STUM: variants seen among roughly 807,000 people sequenced by gnomAD.
STUM encodes stum, mechanosensory transduction mediator homolog.
Under a neutral mutation model 15.3 loss-of-function variants are expected in STUM, and 8 were observed. The observed-to-expected ratio is 0.52, with a 90% CI of 0.31 to 0.94. The LOEUF is 0.94. STUM is among the 40% of genes least tolerant of loss of function. The pLI is 0.05. For synonymous variants in STUM, 78 were observed against 88.7 expected (o/e 0.88, Z 0.68); for missense variants, 142 against 204.9 (o/e 0.69, Z 1.87).
chr1:226,567,371 A>G lies in STUM; in HGVS notation c.202+18265A>G, dbSNP rs1667641994. Among the ~76,000 whole-genome samples, 1 of 152,256 alleles carries G rather than the reference A, an allele frequency of 6.6e-6. No homozygotes were observed. Among genetic ancestry groups the G allele is most frequent in the Non-Finnish European group, 1.5e-5 (1 of 68,048 alleles). ...AAATGCTGAACATTTGCAGTGGAAA[A>G]TAACGGAAAATAGAAACACAACAAT... is the stretch of plus-strand genomic sequence containing the variant. On this transcript the variant is annotated intron_variant, in intron 1 of 3. Transcript: ENST00000366788. This position sits in a 1 kb window ranked among gnomAD's most constrained non-coding sequence, Gnocchi z 4.5.
intron 1 of STUM, among the ~76,000 whole-genome samples, chr1:226,595,770 G>C (rs1294362035): frequency 6.6e-6 from 1 of 152,202 alleles, no homozygotes; most frequent in Non-Finnish European, 1.5e-5. Flanking sequence ...GATGGAGGAA[G>C]GGGCCACAAG....
chr1:226,584,733 C>T (rs1364058175), intron 1 of STUM, among the ~76,000 whole-genome samples: 1 of 152,212 alleles, frequency 6.6e-6, no homozygotes, highest in Non-Finnish European at 1.5e-5. Context: ...CCCATGGCAT[C>T]ATTTAATTTT....
rs1667328697 is a variant in STUM at position 226,549,207 on chromosome 1, G to T, written c.202+101G>T. 3.8e-6 allele frequency: 4 copies of T among 1,044,668 alleles called. No homozygotes were observed. Among genetic ancestry groups the T allele is most frequent in the Non-Finnish European group, 5.5e-6 (4 of 733,558 alleles). 64.7% of individuals were successfully genotyped at this position (1,044,668 alleles called of 1,614,324 possible). ...CGGAGACCTCCTGGCGGGGCCGCGC[G>T]CTCCAAGTGCTGCGACCACGCGCCA... is the stretch of plus-strand genomic sequence containing the variant. On this transcript the variant is annotated intron_variant, in intron 1 of 3. Coordinates refer to ENST00000366788, the MANE Select transcript of STUM (RefSeq NM_001003665.4). The surrounding 1 kb of genome is among the most constrained non-coding windows in gnomAD (Gnocchi z 6.8).
intron 2 of STUM, chr1:226,597,513 C>T: frequency 2.1e-6 from 1 of 468,080 alleles, no homozygotes; most frequent in South Asian, 1.6e-5. Context: ...TCCTATACCC[C>T]CCAAAACCAT....
chr1:226,580,191 GT>G (rs1667896448), intron 1 of STUM, among the ~76,000 whole-genome samples: 1 of 152,180 alleles, frequency 6.6e-6, no homozygotes, highest in Non-Finnish European at 1.5e-5. Context: ...GGAATCCTGG[GT>G]TCTGGCTGGT....
chr1:226,593,161 G>C (rs930495004), intron 1 of STUM, among the ~76,000 whole-genome samples: 2 of 150,136 alleles, frequency 1.3e-5, no homozygotes, highest in African/African-American at 4.9e-5. Flanking sequence ...ACCCCAGCCT[G>C]GGGGACAGAG....
Position 226,549,353 on chromosome 1 carries a change from G to C in STUM, c.202+247G>C, listed in dbSNP as rs1025863190. 1.3e-5 allele frequency among the ~76,000 whole-genome samples: 2 copies of C among 152,324 alleles called. No homozygotes were observed. The highest frequency in any genetic ancestry group is 4.8e-5 in the African/African-American group (2 of 41,590). On this transcript the variant is annotated intron_variant, in intron 1 of 3. Transcript: ENST00000366788. The surrounding 1 kb of genome is among the most constrained non-coding windows in gnomAD (Gnocchi z 6.8). ...GGGGCCCCAAAGAGCCGGAAACTTT[G>C]CGGCCAATGTTGGAGCCCGCAGCGG...
intron 1 of STUM, among the ~76,000 whole-genome samples, chr1:226,553,166 A>G (rs953540285): frequency 2.0e-5 from 3 of 152,224 alleles, no homozygotes; most frequent in African/African-American, 7.2e-5. Context: ...CAGAGTAGCC[A>G]TGAAAAGCCA....
In STUM at chr1:226,588,726, C is replaced by T. The variant is rs185426060; in HGVS notation, c.203-8076C>T. ...ATCAGACTCTTAGGGTGGTGGGGCC[C>T]GGGAAGGTGTATTTTTAGCAATCTC... On this transcript the variant is annotated intron_variant, in intron 1 of 3. Transcript: ENST00000366788. 1.1e-4 allele frequency among the ~76,000 whole-genome samples: 16 copies of T among 152,286 alleles called. No individual in the cohort carries two copies. The East Asian group carries it at 1.7e-3, about 17-fold the overall frequency.
chr1:226,586,755 C>T (rs1475697690), intron 1 of STUM, among the ~76,000 whole-genome samples: 4 of 152,134 alleles, frequency 2.6e-5, no homozygotes, highest in Non-Finnish European at 5.9e-5. Context: ...AGATGGTAGC[C>T]GTGTTGTCTC....
At chr1:226,576,837 A>T (rs75354246) in intron 1 of STUM, among the ~76,000 whole-genome samples, 1,673 of 152,344 alleles carry the variant, frequency 0.011, 37 homozygotes, top group African/African-American at 0.037. Flanking sequence ...GCCTTGGCTG[A>T]TGCCTCTCTG....
intron 1 of STUM, among the ~76,000 whole-genome samples, chr1:226,596,144 T>A (rs1205053689): frequency 6.6e-6 from 1 of 152,174 alleles, no homozygotes; most frequent in African/African-American, 2.4e-5. Context: ...ACCTTGTGGA[T>A]GCTCAATAGA....
intron 1 of STUM, among the ~76,000 whole-genome samples, chr1:226,587,385 G>T (rs73098828): frequency 6.6e-6 from 1 of 152,068 alleles, no homozygotes; most frequent in Non-Finnish European, 1.5e-5. Context: ...GGCTCCTGTC[G>T]TCTTTCCTTT....
chr1:226,602,018 A>T lies in STUM; in HGVS notation c.404A>T (p.Gln135Leu). Residue 135 changes from glutamine to leucine, a missense_variant, in exon 4 of 4, where the codon CAG (glutamine) becomes CTG (leucine). Gln to Leu is a moderately radical substitution (Grantham distance 113). Transcript: ENST00000366788. ...ILAISQGYKEQGIPQQL is the reference protein window; with the variant it reads ...ILAISQGYKELGIPQQL ...TTCTTCCTCACAGGCTACAAGGAGC[A>T]GGGCATCCCACAGCAGCTGTGAGCC... 1.2e-6 allele frequency: 2 copies of T among 1,609,056 alleles called. No homozygotes were observed. Among genetic ancestry groups the T allele is most frequent in the Non-Finnish European group, 1.7e-6 (2 of 1,179,876 alleles).
At chr1:226,566,625 C>T (rs1213628011) in intron 1 of STUM, among the ~76,000 whole-genome samples, 3 of 152,076 alleles carry the variant, frequency 2.0e-5, no homozygotes, top group African/African-American at 4.8e-5. Context: ...AGAATAAATT[C>T]AAAGTGCAAC....
At chr1:226,576,444 T>C (rs1667816814) in intron 1 of STUM, among the ~76,000 whole-genome samples, 1 of 152,228 alleles carries the variant, frequency 6.6e-6, no homozygotes, top group African/African-American at 2.4e-5. Flanking sequence ...GATTACATGA[T>C]TGAGGCTCCT....
At chr1:226,593,375 C>T (rs1425004554) in intron 1 of STUM, among the ~76,000 whole-genome samples, 1 of 152,130 alleles carries the variant, frequency 6.6e-6, no homozygotes, top group Non-Finnish European at 1.5e-5. Flanking sequence ...TCATCCCCAT[C>T]ACCTTCCCCT....
At chr1:226,556,627 G>C (rs1386560321) in intron 1 of STUM, among the ~76,000 whole-genome samples, 1 of 152,186 alleles carries the variant, frequency 6.6e-6, no homozygotes, top group Non-Finnish European at 1.5e-5. Context: ...GAAGCCAGGA[G>C]GTTTCAGACC....
Position 226,549,542 on chromosome 1 carries a change from C to A in STUM, c.202+436C>A, listed in dbSNP as rs1041016175. On this transcript the variant is annotated intron_variant, in intron 1 of 3. Coordinates refer to ENST00000366788, the MANE Select transcript of STUM (RefSeq NM_001003665.4). The surrounding 1 kb of genome is among the most constrained non-coding windows in gnomAD (Gnocchi z 6.8). ...GGGCCTCGGCGGCGAGGATCAAACTCCCGGGCGTCGAAGTCAGCTGAGCCG... is the reference window on the plus strand; with the variant it reads ...GGGCCTCGGCGGCGAGGATCAAACTACCGGGCGTCGAAGTCAGCTGAGCCG... Among the ~76,000 whole-genome samples, 1 of 152,170 alleles carries A rather than the reference C, an allele frequency of 6.6e-6. No homozygotes were observed. The highest frequency in any genetic ancestry group is 1.5e-5 in the Non-Finnish European group (1 of 68,032).
Sources: gnomAD v4.1 joint callset for allele counts (sites outside exome capture counted in the v4.1 genomes callset) on GRCh38, gnomAD v4.1.1 for gene constraint, Gnocchi (gnomAD v3.1) non-coding constraint, MANE v1.5 for transcripts, NCBI Gene and HGNC (gene_info 2026-07-23, HGNC 2026-07-21) for gene names.